The following PIK3CB variants were observed in gnomAD, a reference collection of about 807,000 sequenced individuals.
The protein encoded by PIK3CB is phosphatidylinositol-4,5-bisphosphate 3-kinase catalytic subunit beta.
Under a neutral mutation model 136.8 loss-of-function variants are expected in PIK3CB, and 39 were observed. The observed-to-expected ratio is 0.29, with a 90% CI of 0.22 to 0.37. PIK3CB has a LOEUF of 0.37. PIK3CB is among the 10% of genes least tolerant of loss of function. The pLI, the probability that PIK3CB is intolerant of heterozygous loss-of-function variation, is 1.00. For synonymous variants in PIK3CB, 428 were observed against 436.6 expected (o/e 0.98, Z 0.25); for missense variants, 868 against 1,275.4 (o/e 0.68, Z 4.87).
chr3:138,785,196 G>A (rs1184280130), intron 2 of PIK3CB, among the ~76,000 whole-genome samples: 4 of 151,348 alleles, frequency 2.6e-5, no homozygotes, highest in Non-Finnish European at 4.4e-5. Context: ...GAGGTGGGGG[G>A]CAGCCCCCGC....
chr3:138,812,725 C>T (rs1006768059), intron 1 of PIK3CB, among the ~76,000 whole-genome samples: 1 of 151,938 alleles, frequency 6.6e-6, no homozygotes, highest in Non-Finnish European at 1.5e-5. Flanking sequence ...GATGGGGTTT[C>T]ACCATGTTGG....
At chr3:138,776,573 C>T (rs956076766) in intron 2 of PIK3CB, among the ~76,000 whole-genome samples, 1 of 152,112 alleles carries the variant, frequency 6.6e-6, no homozygotes, top group Non-Finnish European at 1.5e-5. Context: ...GTAGCACACA[C>T]CTGTAGTCCC....
At chr3:138,734,218 T>C (rs927249468) in intron 7 of PIK3CB, among the ~76,000 whole-genome samples, 6 of 152,194 alleles carry the variant, frequency 3.9e-5, no homozygotes, top group Non-Finnish European at 7.4e-5. Flanking sequence ...ACTAAAAGAA[T>C]TCAGTATTAA....
At chr3:138,694,400 T>C (rs771226208) in intron 14 of PIK3CB, among the ~76,000 whole-genome samples, 28 of 152,182 alleles carry the variant, frequency 1.8e-4, no homozygotes, top group Non-Finnish European at 3.4e-4. Flanking sequence ...GTGACTTCAC[T>C]GGAAAAGAAC....
At chr3:138,808,407 G>T (rs1576425227) in intron 1 of PIK3CB, among the ~76,000 whole-genome samples, 1 of 152,144 alleles carries the variant, frequency 6.6e-6, no homozygotes, top group African/African-American at 2.4e-5. Context: ...AAGGCAGGAA[G>T]ATCATTTGAG....
At chr3:138,691,964 C>A (rs2044018261) in intron 14 of PIK3CB, among the ~76,000 whole-genome samples, 1 of 152,094 alleles carries the variant, frequency 6.6e-6, no homozygotes, top group Non-Finnish European at 1.5e-5. Flanking sequence ...AACCAATGTA[C>A]AATTAAAATC....
intron 12 of PIK3CB, among the ~76,000 whole-genome samples, chr3:138,703,385 T>C (rs533909127): frequency 3.5e-4 from 54 of 152,250 alleles, no homozygotes; most frequent in African/African-American, 1.3e-3. Context: ...TTGTCTCCAG[T>C]TTGCCTCCTA....
At chr3:138,705,197 A>AAAAAAAAAAAAAT (rs1313585582) in intron 11 of PIK3CB, among the ~76,000 whole-genome samples, 2 of 142,190 alleles carry the variant, frequency 1.4e-5, no homozygotes, top group Non-Finnish European at 1.5e-5. Flanking sequence ...AAACAAAAAA[A>AAAAAAAAAAAAAT]AAAACTTATA....
chr3:138,791,693 CA>C (rs1369005410), intron 2 of PIK3CB, among the ~76,000 whole-genome samples: 1 of 152,198 alleles, frequency 6.6e-6, no homozygotes, highest in Non-Finnish European at 1.5e-5. Flanking sequence ...CATCCAGCTT[CA>C]AACACTTTGT....
chr3:138,740,968 T>C (rs2045231985), intron 5 of PIK3CB, among the ~76,000 whole-genome samples: 1 of 152,190 alleles, frequency 6.6e-6, no homozygotes, highest in Non-Finnish European at 1.5e-5. Flanking sequence ...TCATCACCTT[T>C]CAACAGTAAA....
At chr3:138,711,225 GA>G (rs55666741) in intron 10 of PIK3CB, among the ~76,000 whole-genome samples, 84,464 of 145,662 alleles carry the variant, frequency 0.58, 24,887 homozygotes, top group East Asian at 0.98. Flanking sequence ...AAAAAAAAAA[GA>G]AAAAAAAAAC....
chr3:138,774,797 G>GA (rs1373134981), intron 2 of PIK3CB, among the ~76,000 whole-genome samples: 2 of 152,220 alleles, frequency 1.3e-5, no homozygotes, highest in Non-Finnish European at 2.9e-5. Context: ...TACAGCTGTA[G>GA]AAAATGCACT....
intron 11 of PIK3CB, among the ~76,000 whole-genome samples, chr3:138,705,298 T>C (rs932267863): frequency 2.6e-5 from 4 of 151,088 alleles, no homozygotes; most frequent in Non-Finnish European, 4.4e-5. Context: ...ACACACATCA[T>C]AACTGAACAT....
chr3:138,680,853 A>C (rs1441482893), intron 19 of PIK3CB, among the ~76,000 whole-genome samples: 2 of 151,580 alleles, frequency 1.3e-5, no homozygotes, highest in South Asian at 2.1e-4. Flanking sequence ...ACAACCTACT[A>C]ATTTTTTGTA....
intron 19 of PIK3CB, among the ~76,000 whole-genome samples, chr3:138,673,206 A>G (rs2043573072): frequency 1.3e-5 from 2 of 152,182 alleles, no homozygotes; most frequent in African/African-American, 4.8e-5. Context: ...ATATAAATCT[A>G]CTAGAGCTGC....
chr3:138,749,555 A>G (rs1489742750), intron 4 of PIK3CB, among the ~76,000 whole-genome samples: 3 of 152,166 alleles, frequency 2.0e-5, no homozygotes, highest in Non-Finnish European at 4.4e-5. Flanking sequence ...CCTGGATGGC[A>G]CTGTATGCTC....
intron 20 of PIK3CB, 56 bp downstream of exon 20, chr3:138,664,980 C>T (rs1055231647): frequency 1.1e-5 from 13 of 1,187,108 alleles, no homozygotes; most frequent in Admixed American, 4.2e-5. Context: ...TGGGAGCATA[C>T]AGTATTTGTT....
intron 1 of PIK3CB, among the ~76,000 whole-genome samples, chr3:138,806,358 C>T (rs1489491138): frequency 1.3e-5 from 2 of 151,976 alleles, no homozygotes; most frequent in South Asian, 4.2e-4. Context: ...TGGTGATGCA[C>T]GCTTGTAGTC....
Position 138,788,423 on chromosome 3 carries a change from G to A in PIK3CB, c.-17+8040C>T, listed in dbSNP as rs1330237113. On this transcript the variant is annotated intron_variant, in intron 2 of 23. Coordinates refer to ENST00000674063, the MANE Select transcript of PIK3CB (RefSeq NM_006219.3). Reference sequence around the variant, plus strand: ...TGTAATCCCAGCACTTTGGAAGACCGAGGCGGGCAGATCACCTGAGGTCAG... The same window carrying A: ...TGTAATCCCAGCACTTTGGAAGACCAAGGCGGGCAGATCACCTGAGGTCAG... 5.4e-5 allele frequency among the ~76,000 whole-genome samples: 8 copies of A among 148,716 alleles called. No individual in the cohort carries two copies. The East Asian group carries it at 6.2e-4, about 11-fold the overall frequency.
Sources: gnomAD v4.1 joint callset for allele counts (sites outside exome capture counted in the v4.1 genomes callset) on GRCh38, gnomAD v4.1.1 for gene constraint, MANE v1.5 for transcripts, NCBI Gene and HGNC (gene_info 2026-07-23, HGNC 2026-07-21) for gene names.